SORCS3: variants seen among roughly 807,000 people sequenced by gnomAD.
SORCS3 encodes the protein sortilin related VPS10 domain containing receptor 3.
A neutral mutation model predicts 146.3 loss-of-function variants in SORCS3; 57 were observed. That is an observed-to-expected ratio of 0.39 (90% CI 0.31 to 0.49). SORCS3 has a LOEUF of 0.49. Ranked by LOEUF, SORCS3 falls within the 20% of genes least tolerant of loss-of-function variation. The pLI is 0.92. For synonymous variants in SORCS3, 653 were observed against 618.5 expected, an observed-to-expected ratio of 1.06 and a Z score of -0.83; for missense variants, 1,341 against 1,575.5, an observed-to-expected ratio of 0.85 and a Z score of 2.52.
At chr10:104,692,759 C>T (rs1285109391) in intron 1 of SORCS3, among the ~76,000 whole-genome samples, 1 of 152,160 alleles carries the variant, frequency 6.6e-6, no homozygotes, top group Non-Finnish European at 1.5e-5. Flanking sequence ...TCATGGTAGC[C>T]AAGTCTGGTG....
chr10:104,837,478 T>C (rs1311953632), intron 1 of SORCS3, among the ~76,000 whole-genome samples: 1 of 152,342 alleles, frequency 6.6e-6, no homozygotes, highest in Middle Eastern at 3.4e-3. Flanking sequence ...TCATGAATTA[T>C]TCCAATTTAT....
At chr10:104,863,039 C>T (rs1054588662) in intron 2 of SORCS3, among the ~76,000 whole-genome samples, 2 of 152,184 alleles carry the variant, frequency 1.3e-5, no homozygotes, top group Non-Finnish European at 1.5e-5. Flanking sequence ...AAATCCTCCC[C>T]AAGTAGGTAC....
At chr10:104,832,505 G>A (rs563672467) in intron 1 of SORCS3, among the ~76,000 whole-genome samples, 4 of 152,264 alleles carry the variant, frequency 2.6e-5, no homozygotes, top group Non-Finnish European at 5.9e-5. Context: ...ACTGCCTGTG[G>A]TTAAGAGTTT....
intron 2 of SORCS3, among the ~76,000 whole-genome samples, chr10:104,856,938 T>C (rs2018341693): frequency 6.7e-6 from 1 of 149,608 alleles, no homozygotes; most frequent in African/African-American, 2.5e-5. Flanking sequence ...TGTTATATGA[T>C]ATTCTGTAAG....
chr10:105,158,299 C>G (rs193191346), intron 10 of SORCS3, among the ~76,000 whole-genome samples: 313 of 152,128 alleles, frequency 2.1e-3, no homozygotes, highest in South Asian at 1.0e-2. Flanking sequence ...TAAGAACACT[C>G]CAATGGGGAT....
intron 16 of SORCS3, 92 bp downstream of exon 16, chr10:105,201,345 C>G: frequency 4.8e-6 from 7 of 1,455,028 alleles, no homozygotes; most frequent in Non-Finnish European, 6.5e-6. Context: ...GGAGAGGAAG[C>G]ATGACGCAGA....
chr10:105,246,053 C>A (rs1323791546), intron 21 of SORCS3, among the ~76,000 whole-genome samples: 1 of 152,158 alleles, frequency 6.6e-6, no homozygotes, highest in Non-Finnish European at 1.5e-5. Context: ...GGACTCATTG[C>A]TCAGTTAATG....
chr10:104,734,918 T>G (rs1299551436), intron 1 of SORCS3, among the ~76,000 whole-genome samples: 1 of 152,176 alleles, frequency 6.6e-6, no homozygotes, highest in African/African-American at 2.4e-5. Flanking sequence ...TGAGATGAAG[T>G]ATGTGCAGGG....
intron 5 of SORCS3, among the ~76,000 whole-genome samples, chr10:105,087,548 G>A (rs909462601): frequency 6.6e-6 from 1 of 151,348 alleles, no homozygotes; most frequent in African/African-American, 2.4e-5. Context: ...TATCCATATA[G>A]TCCCTTGTGG....
At chr10:104,924,776 C>T (rs1276409817) in intron 3 of SORCS3, among the ~76,000 whole-genome samples, 3 of 152,192 alleles carry the variant, frequency 2.0e-5, no homozygotes, top group Non-Finnish European at 4.4e-5. Context: ...ACTTACCTGT[C>T]CCCTTCTTTC....
At chr10:105,184,691 A>G (rs551420776) in intron 14 of SORCS3, among the ~76,000 whole-genome samples, 2 of 152,238 alleles carry the variant, frequency 1.3e-5, no homozygotes, top group African/African-American at 2.4e-5. Context: ...CACATATTTA[A>G]TGTATACATT....
intron 14 of SORCS3, among the ~76,000 whole-genome samples, chr10:105,192,693 A>G (rs2056523193): frequency 6.6e-6 from 1 of 152,194 alleles, no homozygotes; most frequent in Non-Finnish European, 1.5e-5. Context: ...GTCCACTAAT[A>G]TAACTCCCAA....
chr10:104,784,090 C>T (rs1437825654), intron 1 of SORCS3, among the ~76,000 whole-genome samples: 4 of 152,206 alleles, frequency 2.6e-5, no homozygotes, highest in African/African-American at 9.6e-5. Context: ...TTCCAGGTTT[C>T]ACAAACTATT....
At chr10:104,850,707 C>A (rs528666439) in intron 2 of SORCS3, among the ~76,000 whole-genome samples, 1 of 152,206 alleles carries the variant, frequency 6.6e-6, no homozygotes, top group Non-Finnish European at 1.5e-5. Context: ...ATTACTCATG[C>A]CGTCCTTCTG....
chr10:104,696,657 C>T (rs1385281511), intron 1 of SORCS3, among the ~76,000 whole-genome samples: 3 of 35,844 alleles, frequency 8.4e-5, no homozygotes, highest in Non-Finnish European at 1.0e-4. Context: ...ATATTATATA[C>T]GTATATATAA....
At chr10:105,224,083 A>G (rs1327305220) in intron 20 of SORCS3, among the ~76,000 whole-genome samples, 2 of 152,182 alleles carry the variant, frequency 1.3e-5, no homozygotes, top group South Asian at 2.1e-4. Context: ...TTACATTAAT[A>G]CATCATTATC....
At chr10:104,870,593 G>T (rs2018509255) in intron 2 of SORCS3, among the ~76,000 whole-genome samples, 1 of 152,148 alleles carries the variant, frequency 6.6e-6, no homozygotes, top group African/African-American at 2.4e-5. Flanking sequence ...GGTTGCTTTA[G>T]GTCTGAGGAC....
chr10:104,952,493 A>T (rs2019442879), intron 3 of SORCS3, among the ~76,000 whole-genome samples: 2 of 152,074 alleles, frequency 1.3e-5, no homozygotes, highest in South Asian at 2.1e-4. Context: ...AAAGTTTGAA[A>T]CGCATTACTC....
intron 1 of SORCS3, among the ~76,000 whole-genome samples, chr10:104,774,502 C>G (rs1015029981): frequency 1.3e-5 from 2 of 152,140 alleles, no homozygotes; most frequent in Non-Finnish European, 2.9e-5. Flanking sequence ...ATATTTCTGG[C>G]AGTGGAGAAA....
Sources: allele counts gnomAD v4.1 joint callset (sites outside exome capture counted in the v4.1 genomes callset), GRCh38; gene constraint gnomAD v4.1.1; transcripts MANE v1.5; gene names NCBI Gene and HGNC (gene_info 2026-07-23, HGNC 2026-07-21).